The following SCFD2 variants were observed in gnomAD, a reference collection of about 807,000 sequenced individuals.
The protein encoded by SCFD2 is sec1 family domain-containing protein 2.
A neutral mutation model predicts 58.9 loss-of-function variants in SCFD2; 54 were observed. That is an observed-to-expected ratio of 0.92 (90% confidence interval 0.74 to 1.15). The LOEUF (loss-of-function observed/expected upper bound fraction) is 1.15, where lower values mean the gene tolerates loss of function less well. SCFD2 is among the 50% of genes most tolerant of loss of function. SCFD2 has a pLI of 0.00. For missense variants in SCFD2, 805 were observed against 836.6 expected, an observed-to-expected ratio of 0.96 and a Z score of 0.47; for synonymous variants, 321 against 335.9, an observed-to-expected ratio of 0.96 and a Z score of 0.49.
Position 53,366,041 on chromosome 4 carries a change from C to CGTGTACTGTGGAG in SCFD2, c.-101_-100insCTCCACAGTACAC. ...CTCCGGGAGACTTTGACAGTCTCCA[C>CGTGTACTGTGGAG]AGTACACGTGGTCGGCCTCTGACAC... On this transcript the variant is annotated 5_prime_UTR_variant, in exon 1 of 9. Transcript: ENST00000401642. 1 of 1,376,544 alleles carries CGTGTACTGTGGAG rather than the reference C, an allele frequency of 7.3e-7. No individual in the cohort carries two copies. The highest frequency in any genetic ancestry group is 9.8e-7 in the Non-Finnish European group (1 of 1,023,288). The allele number at this position is 1,376,544 out of a possible 1,614,324, so 85.3% of individuals were successfully genotyped here.
At chr4:52,957,652 A>G (rs1164057758) in intron 5 of SCFD2, 13 of 152,364 alleles carry the variant, frequency 8.5e-5, no homozygotes, top group African/African-American at 3.1e-4. Context: ...TCCCACAACC[A>G]GAGAAAAAGA....
chr4:53,061,115 C>A (rs1723496620), intron 5 of SCFD2, among the ~76,000 whole-genome samples: 1 of 152,022 alleles, frequency 6.6e-6, no homozygotes, highest in Non-Finnish European at 1.5e-5. Flanking sequence ...TTTTTATAAA[C>A]CTGCTTTGAC....
intron 5 of SCFD2, among the ~76,000 whole-genome samples, chr4:53,141,496 A>T (rs902278118): frequency 2.3e-4 from 35 of 152,210 alleles, no homozygotes; most frequent in Non-Finnish European, 4.7e-4. Flanking sequence ...AAGAGCCAAG[A>T]TTTTGAGAAA....
At chr4:53,216,866 C>A (rs1264198824) in intron 4 of SCFD2, among the ~76,000 whole-genome samples, 4 of 152,164 alleles carry the variant, frequency 2.6e-5, no homozygotes, top group Non-Finnish European at 4.4e-5. Context: ...TCATTGGTTT[C>A]AAAAACATCT....
Position 53,070,452 on chromosome 4 carries a change from T to A in SCFD2, c.1561+74881A>T, listed in dbSNP as rs1723782830. On this transcript the variant is annotated intron_variant, in intron 5 of 8. Transcript: ENST00000401642. ...AATTTTTAATTCTCAAAAAGAATCT[T>A]AATTTGTATCCAAAATGATGAAGGA... 5.9e-5 allele frequency among the ~76,000 whole-genome samples: 9 copies of A among 152,112 alleles called. No individual in the cohort carries two copies. In the South Asian group the frequency reaches 1.9e-3, roughly 31 times the overall value.
intron 4 of SCFD2, among the ~76,000 whole-genome samples, chr4:53,260,474 T>A (rs549577938): frequency 1.3e-4 from 20 of 152,328 alleles, no homozygotes; most frequent in African/African-American, 4.1e-4. Flanking sequence ...TTTCTGCATC[T>A]ACTGAGATGA....
chr4:53,301,880 G>T (rs1031835418), intron 3 of SCFD2, among the ~76,000 whole-genome samples: 1 of 152,010 alleles, frequency 6.6e-6, no homozygotes, highest in African/African-American at 2.4e-5. Context: ...ATACAGAAAA[G>T]GCCTTTGACA....
intron 5 of SCFD2, among the ~76,000 whole-genome samples, chr4:53,032,611 G>A (rs1171230609): frequency 2.0e-5 from 3 of 152,024 alleles, no homozygotes; most frequent in African/African-American, 7.3e-5. Flanking sequence ...CCAAGCAAAT[G>A]TAAAGCAAAA....
At chr4:53,077,006 C>T (rs540218256) in intron 5 of SCFD2, among the ~76,000 whole-genome samples, 1 of 152,248 alleles carries the variant, frequency 6.6e-6, no homozygotes, top group African/African-American at 2.4e-5. Flanking sequence ...TGTATATATC[C>T]TTTAAGCACC....
rs192247518 is a variant in SCFD2, at chr4:53,002,823, G to T, written c.1562-81953C>A. Among the ~76,000 whole-genome samples, 533 of 152,316 alleles carry T rather than the reference G, an allele frequency of 3.5e-3. 5 individuals are homozygous for T. Among genetic ancestry groups the T allele is most frequent in the African/African-American group, 0.012 (511 of 41,548 alleles). ...GGAAAAGAGGTTTAATTGGCTCATG[G>T]TTCCACAGGCTGTACAGGAAGCATG... On this transcript the variant is annotated intron_variant, in intron 5 of 8. Coordinates refer to ENST00000401642, the MANE Select transcript of SCFD2 (RefSeq NM_152540.4).
chr4:53,081,159 GT>G (rs1169225467), intron 5 of SCFD2, among the ~76,000 whole-genome samples: 2 of 152,110 alleles, frequency 1.3e-5, no homozygotes, highest in African/African-American at 4.8e-5. Context: ...TAGTGTGTGT[GT>G]TTGCAACATC....
intron 5 of SCFD2, among the ~76,000 whole-genome samples, chr4:52,987,251 C>T (rs1450402517): frequency 6.6e-6 from 1 of 152,058 alleles, no homozygotes; most frequent in Non-Finnish European, 1.5e-5. Context: ...CTCCTGTCCT[C>T]GTGATCCGCC....
At chr4:53,224,464 T>C (rs567729023) in intron 4 of SCFD2, among the ~76,000 whole-genome samples, 1 of 152,134 alleles carries the variant, frequency 6.6e-6, no homozygotes, top group East Asian at 1.9e-4. Flanking sequence ...TTAACTTCTG[T>C]GTAAGAAGTC....
chr4:53,353,666 G>A (rs1257449342), intron 1 of SCFD2, among the ~76,000 whole-genome samples: 3 of 152,182 alleles, frequency 2.0e-5, no homozygotes, highest in South Asian at 4.1e-4. Flanking sequence ...AGTGCTGATT[G>A]GTGCATTTAC....
intron 5 of SCFD2, among the ~76,000 whole-genome samples, chr4:53,039,621 T>C (rs1427788241): frequency 6.6e-6 from 1 of 152,208 alleles, no homozygotes; most frequent in East Asian, 1.9e-4. Context: ...TGCAAGAGGA[T>C]TGGCTGCTCC....
At chr4:53,255,048 T>C (rs1339374930) in intron 4 of SCFD2, among the ~76,000 whole-genome samples, 1 of 150,530 alleles carries the variant, frequency 6.6e-6, no homozygotes, top group South Asian at 2.1e-4. Context: ...AATTTTTGTA[T>C]TTTTAGTAGA....
At chr4:53,081,226 TAAAC>T (rs1246232521) in intron 5 of SCFD2, among the ~76,000 whole-genome samples, 1 of 152,166 alleles carries the variant, frequency 6.6e-6, no homozygotes. Context: ...CTTGCTGTCA[TAAAC>T]AACTCATCTT....
chr4:53,102,478 T>G (rs1560336395), intron 5 of SCFD2, among the ~76,000 whole-genome samples: 1 of 151,842 alleles, frequency 6.6e-6, no homozygotes, highest in Non-Finnish European at 1.5e-5. Context: ...AGAAAATATT[T>G]GCAAATAATA....
chr4:52,878,143 T>C (rs924906150), intron 8 of SCFD2, among the ~76,000 whole-genome samples: 9 of 152,158 alleles, frequency 5.9e-5, no homozygotes, highest in Non-Finnish European at 1.0e-4. Flanking sequence ...TGTTGGTATC[T>C]CACGGTATTC....
Sources: allele counts gnomAD v4.1 joint callset (sites outside exome capture counted in the v4.1 genomes callset), GRCh38; gene constraint gnomAD v4.1.1; transcripts MANE v1.5; gene names NCBI Gene and HGNC (gene_info 2026-07-23, HGNC 2026-07-21).